COL22A1: variants seen among roughly 807,000 people sequenced by gnomAD.
The protein encoded by COL22A1 is collagen alpha-1(XXII) chain.
A neutral mutation model predicts 248.9 loss-of-function variants in COL22A1; 221 were observed. That is an observed-to-expected ratio of 0.89 (90% CI 0.80 to 0.99). COL22A1 has a LOEUF of 0.99. Ranked by LOEUF, COL22A1 falls within the 50% of genes least tolerant of loss-of-function variation. COL22A1 has a pLI of 0.00. For missense variants in COL22A1, 2,240 were observed against 2,179.0 expected (o/e 1.03, Z -0.56); for synonymous variants, 891 against 793.4 (o/e 1.12, Z -2.07).
chr8:138,898,701 T>C (rs1211018463), intron 1 of COL22A1, among the ~76,000 whole-genome samples: 1 of 152,192 alleles, frequency 6.6e-6, no homozygotes, highest in Non-Finnish European at 1.5e-5. Context: ...ATTGCCTAGC[T>C]AACTGCCCAT....
At chr8:138,708,808 G>A (rs928495955) in intron 30 of COL22A1, among the ~76,000 whole-genome samples, 18 of 152,146 alleles carry the variant, frequency 1.2e-4, no homozygotes, top group African/African-American at 4.3e-4. Flanking sequence ...AAACTAAAGA[G>A]CTTCTGCACA....
Position 138,807,782 on chromosome 8 carries a change from G to A in COL22A1, c.1480C>T (p.Leu494Phe). The A allele has an allele frequency of 6.2e-7, 1 of 1,614,026 alleles. No individual in the cohort carries two copies. The highest frequency in any genetic ancestry group is 8.5e-7 in the Non-Finnish European group (1 of 1,179,936). ...CCTGTACTGACCTTTGGACCAGGGA[G>A]CCCCATGGGGCCAGCAACTCCCATT... ...GEMGVAGPMG[L>F]PGPKGDIGAI... Residue 494 changes from leucine to phenylalanine, a missense_variant, in exon 10 of 65, where the codon CTC becomes TTC. By Grantham distance (22) the Leu-to-Phe change is conservative. Coordinates refer to ENST00000303045, the MANE Select transcript of COL22A1 (RefSeq NM_152888.3).
intron 43 of COL22A1, among the ~76,000 whole-genome samples, chr8:138,660,915 G>GAC (rs1336630747): frequency 2.9e-4 from 9 of 31,424 alleles, no homozygotes; most frequent in East Asian, 7.7e-4. Flanking sequence ...CACATACACA[G>GAC]ACACACACAC....
At chr8:138,640,995 G>A (rs913986779) in intron 47 of COL22A1, among the ~76,000 whole-genome samples, 11 of 152,146 alleles carry the variant, frequency 7.2e-5, no homozygotes, top group African/African-American at 2.2e-4. Context: ...CTAAGTGTTC[G>A]CTGCAAGCTT....
chr8:138,859,664 C>T (rs1490321916), intron 3 of COL22A1, among the ~76,000 whole-genome samples: 3 of 152,106 alleles, frequency 2.0e-5, no homozygotes, highest in Admixed American at 6.5e-5. Context: ...GGCGCCACCC[C>T]CCCACACACT....
At chr8:138,896,430 GCT>G (rs953734386) in intron 1 of COL22A1, among the ~76,000 whole-genome samples, 1 of 152,100 alleles carries the variant, frequency 6.6e-6, no homozygotes, top group African/African-American at 2.4e-5. Context: ...GTTGACTCAT[GCT>G]CTCTATATGC....
Position 138,623,757 on chromosome 8 carries a change from C to T in COL22A1, c.3746G>A (p.Gly1249Glu). ...PGEEGKEGRD[G>E]KPGPPGEPGK... ...CGGCTCTCCAGGGGGACCCGGCTTT[C>T]CATCTCTGCCCTCTTTGCCTTCTTC... Residue 1249 changes from glycine to glutamate, a missense_variant, in exon 52 of 65, where the codon GGA (glycine) becomes GAA (glutamate). Physicochemically the swap from Gly to Glu is moderately conservative, Grantham distance 98. Transcript: ENST00000303045. 3 of 1,612,544 alleles carry T rather than the reference C, an allele frequency of 1.9e-6. No individual in the cohort carries two copies. Among genetic ancestry groups the T allele is most frequent in the Non-Finnish European group, 2.5e-6 (3 of 1,179,304 alleles).
chr8:138,907,379 G>T (rs551349661), intron 1 of COL22A1, among the ~76,000 whole-genome samples: 41 of 152,330 alleles, frequency 2.7e-4, no homozygotes, highest in Admixed American at 1.0e-3. Flanking sequence ...ATTGGTAGGA[G>T]AATTCAGCTG....
chr8:138,774,817 G>A (rs1814260828), intron 16 of COL22A1, among the ~76,000 whole-genome samples: 1 of 152,212 alleles, frequency 6.6e-6, no homozygotes, highest in Non-Finnish European at 1.5e-5. Context: ...GTGGAACGCT[G>A]TGCAGTCATT....
intron 40 of COL22A1, 48 bp from the exon 41 acceptor site, chr8:138,676,683 G>A (rs1173869964): frequency 2.3e-6 from 3 of 1,312,570 alleles, no homozygotes; most frequent in Non-Finnish European, 3.2e-6. Context: ...CCAGGAAGGA[G>A]AGGGCTAGGG....
At chr8:138,604,618 A>T in intron 59 of COL22A1, 116 bp downstream of exon 59, 2 of 827,374 alleles carry the variant, frequency 2.4e-6, no homozygotes, top group East Asian at 5.2e-5. Context: ...CAAAACAGTG[A>T]AGGTAGAGAG....
rs371801501 is a variant in COL22A1, at chr8:138,703,763, T to C, written c.2518-416A>G. On this transcript the variant is annotated intron_variant, in intron 30 of 64. Transcript: ENST00000303045. ...CATTCCAGCTGAGGTACCAGGTTCA[T>C]CTCACTGGGGCTTTTTGGACAGTGT... 2.0e-5 allele frequency among the ~76,000 whole-genome samples: 3 copies of C among 152,246 alleles called. No individual in the cohort carries two copies. The East Asian group carries it at 5.8e-4, about 30-fold the overall frequency.
At chr8:138,758,735 C>T (rs1222214035) in intron 18 of COL22A1, among the ~76,000 whole-genome samples, 1 of 152,196 alleles carries the variant, frequency 6.6e-6, no homozygotes, top group African/African-American at 2.4e-5. Flanking sequence ...CTGAGCTTCA[C>T]TGGTTTCTTA....
In COL22A1 at chr8:138,755,676, C is replaced by T. The variant is rs942759174; in HGVS notation, c.1947+109G>A. 5 of 1,388,326 alleles carry T rather than the reference C, an allele frequency of 3.6e-6. No individual in the cohort carries two copies. In the African/African-American group the frequency reaches 4.3e-5, roughly 12 times the overall value. 86.0% of individuals were successfully genotyped at this position (1,388,326 alleles called of 1,614,324 possible). On this transcript the variant is annotated intron_variant, in intron 19 of 64. Transcript: ENST00000303045. ...TTTTTAGTGTTGAAAGCCTTCTATCCAACCCATGTCCTTGGAAGAGCGTTG... is the reference window on the plus strand; with the variant it reads ...TTTTTAGTGTTGAAAGCCTTCTATCTAACCCATGTCCTTGGAAGAGCGTTG...
At chr8:138,692,051 TGTGTGCGCGCACGTTTGTG>T (rs1827027693) in intron 35 of COL22A1, among the ~76,000 whole-genome samples, 4 of 143,316 alleles carry the variant, frequency 2.8e-5, no homozygotes, top group African/African-American at 7.7e-5. Flanking sequence ...TGAAGGTGTG[TGTGTGCGCGCACGTTTGTG>T]GAGGTGTATG....
Position 138,778,426 on chromosome 8 carries a change from G to T in COL22A1, c.1705-20C>A. ...GGGCCCCTGCAGAAGAGCATTTACA[G>T]AGTAAAGTTTCAGGGATGGAAAAGA... On this transcript the variant is annotated intron_variant, in intron 14 of 64. Coordinates refer to ENST00000303045, the MANE Select transcript of COL22A1 (RefSeq NM_152888.3). 6.4e-7 allele frequency: 1 copy of T among 1,571,212 alleles called. No homozygotes were observed.
intron 37 of COL22A1, among the ~76,000 whole-genome samples, chr8:138,687,216 G>A (rs757933822): frequency 1.2e-4 from 19 of 152,100 alleles, no homozygotes; most frequent in South Asian, 8.3e-4. Context: ...CTTGGCCTCC[G>A]AAAGTACTGG....
At chr8:138,726,646 G>A (rs1279203755) in intron 23 of COL22A1, among the ~76,000 whole-genome samples, 5 of 152,196 alleles carry the variant, frequency 3.3e-5, no homozygotes, top group African/African-American at 1.2e-4. Context: ...AGTGGGCAGA[G>A]AAGGCACCTG....
intron 30 of COL22A1, among the ~76,000 whole-genome samples, 156 bp from the exon 31 acceptor site, chr8:138,703,503 C>T (rs1828141011): frequency 6.6e-6 from 1 of 152,186 alleles, no homozygotes; most frequent in South Asian, 2.1e-4. Context: ...TTGATAGATA[C>T]ATACATACAT....
Sources: gnomAD v4.1 joint callset for allele counts (sites outside exome capture counted in the v4.1 genomes callset) on GRCh38, gnomAD v4.1.1 for gene constraint, MANE v1.5 for transcripts, NCBI Gene and HGNC (gene_info 2026-07-23, HGNC 2026-07-21) for gene names.